Variants in MALRD1 observed in about 807,000 individuals in gnomAD.
MALRD1 encodes MAM and LDL-receptor class A domain-containing protein 1.
A neutral mutation model predicts 242.1 loss-of-function variants in MALRD1; 247 were observed. That is an observed-to-expected ratio of 1.02 (90% CI 0.92 to 1.13). MALRD1 has a LOEUF of 1.13. Among genes scored for constraint, MALRD1 ranks in the 50% most tolerant of loss-of-function variants. The pLI is 0.00. For missense variants in MALRD1, 2,989 were observed against 2,533.1 expected, an observed-to-expected ratio of 1.18 and a Z score of -3.86; for synonymous variants, 995 against 866.6, an observed-to-expected ratio of 1.15 and a Z score of -2.60.
At chr10:19,087,745 A>G in intron 2 of MALRD1, 95 bp from the exon 3 acceptor site, 1 of 501,232 alleles carries the variant, frequency 2.0e-6, no homozygotes, top group East Asian at 3.5e-5. Context: ...CAGTGAAATT[A>G]TTATTGACTA....
At chr10:19,705,804 T>TGAAAAAAAAAAAAAAAAAAA (rs71388859) in intron 38 of MALRD1, among the ~76,000 whole-genome samples, 2 of 102,872 alleles carry the variant, frequency 1.9e-5, no homozygotes, top group Admixed American at 1.0e-4. Context: ...CCTGCAATAG[T>TGAAAAAAAAAAAAAAAAAAA]AAAAAAAAAA....
Position 19,203,785 on chromosome 10 carries a change from A to G in MALRD1, c.2009A>G (p.Asp670Gly), listed in dbSNP as rs1836657971. The change falls in exon 15 of 40, where the codon GAC becomes GGC. Residue 670 changes from aspartate to glycine, a missense_variant. Transcript: ENST00000454679. ...SCDWFEAISG[D>G]HFDWIRSSQS... ...GATTGGTTTGAAGCAATTAGTGGTG[A>G]CCATTTTGACTGGATACGGAGCTCT... 1.3e-6 allele frequency: 2 copies of G among 1,550,624 alleles called. No individual in the cohort carries two copies. Among genetic ancestry groups the G allele is most frequent in the South Asian group, 1.2e-5 (1 of 84,054 alleles).
At chr10:19,272,373 G>T (rs1174955407) in intron 19 of MALRD1, among the ~76,000 whole-genome samples, 2 of 152,064 alleles carry the variant, frequency 1.3e-5, no homozygotes, top group Non-Finnish European at 2.9e-5. Context: ...AGTGGAGTTT[G>T]TGGAATATAA....
intron 21 of MALRD1, among the ~76,000 whole-genome samples, chr10:19,291,947 G>A (rs906387146): frequency 1.3e-5 from 2 of 151,672 alleles, no homozygotes; most frequent in Admixed American, 6.6e-5. Context: ...TTAGTCATAC[G>A]TGGTGGTGCG....
intron 28 of MALRD1, among the ~76,000 whole-genome samples, chr10:19,424,263 G>A (rs866384093): frequency 2.4e-4 from 37 of 152,194 alleles, no homozygotes; most frequent in African/African-American, 7.5e-4. Context: ...AGGTTCAAGC[G>A]ATTCTCCTGC....
intron 24 of MALRD1, among the ~76,000 whole-genome samples, chr10:19,342,540 T>A (rs140806021): frequency 6.6e-6 from 1 of 152,124 alleles, no homozygotes; most frequent in Non-Finnish European, 1.5e-5. Flanking sequence ...CAAGTACTTT[T>A]GGAGGGGCTA....
intron 29 of MALRD1, among the ~76,000 whole-genome samples, chr10:19,467,096 T>C (rs1248338591): frequency 1.3e-5 from 2 of 152,046 alleles, no homozygotes; most frequent in African/African-American, 2.4e-5. Flanking sequence ...GGCTCACGCC[T>C]GTAATCCCAG....
chr10:19,111,106 C>T (rs570378776), intron 5 of MALRD1, among the ~76,000 whole-genome samples: 107 of 152,132 alleles, frequency 7.0e-4, no homozygotes, highest in African/African-American at 2.4e-3. Flanking sequence ...CCTACTTACC[C>T]ATGAACTATA....
At chr10:19,734,026 T>A in intron 39 of MALRD1, 131 bp from the exon 40 acceptor site, 1 of 644,958 alleles carries the variant, frequency 1.6e-6, no homozygotes, top group South Asian at 2.1e-5. Context: ...GGAAGAAGAG[T>A]CAGGGATGTT....
intron 31 of MALRD1, among the ~76,000 whole-genome samples, chr10:19,499,850 G>A (rs1837891367): frequency 6.6e-6 from 1 of 152,152 alleles, no homozygotes; most frequent in African/African-American, 2.4e-5. Context: ...TTCAATTACA[G>A]TATGGACATT....
chr10:19,255,482 A>G (rs1478995094), intron 18 of MALRD1, among the ~76,000 whole-genome samples: 1 of 152,004 alleles, frequency 6.6e-6, no homozygotes, highest in Non-Finnish European at 1.5e-5. Context: ...TTGCAAGACT[A>G]AAATATAGGG....
chr10:19,204,748 G>A (rs1340837729), intron 16 of MALRD1, 150 bp from the exon 17 acceptor site: 1 of 869,666 alleles, frequency 1.1e-6, no homozygotes, highest in Non-Finnish European at 1.7e-6. Context: ...ATAAGCTCTT[G>A]CAAATGGACA....
At chr10:19,185,596 A>G (rs993442355) in intron 14 of MALRD1, among the ~76,000 whole-genome samples, 1 of 152,206 alleles carries the variant, frequency 6.6e-6, no homozygotes, top group Non-Finnish European at 1.5e-5. Flanking sequence ...AAATATGTGC[A>G]TTAGACACTG....
chr10:19,607,987 C>T, intron 35 of MALRD1, 85 bp downstream of exon 35: 2 of 1,468,098 alleles, frequency 1.4e-6, no homozygotes, highest in East Asian at 5.0e-5. Context: ...ACTTGAGGTT[C>T]TAAACAATGG....
intron 9 of MALRD1, among the ~76,000 whole-genome samples, chr10:19,134,310 AATAATTCAT>A (rs1833242253): frequency 6.6e-6 from 1 of 152,252 alleles, no homozygotes; most frequent in South Asian, 2.1e-4. Flanking sequence ...TTTTGAATGC[AATAATTCAT>A]ATCTTTATAA....
At chr10:19,198,651 G>A (rs1836372476) in intron 14 of MALRD1, among the ~76,000 whole-genome samples, 1 of 152,126 alleles carries the variant, frequency 6.6e-6, no homozygotes, top group Non-Finnish European at 1.5e-5. Context: ...ATGAGGAATT[G>A]TCTACCAATA....
chr10:19,601,638 A>T (rs528641601), intron 34 of MALRD1, among the ~76,000 whole-genome samples: 1 of 151,944 alleles, frequency 6.6e-6, no homozygotes, highest in Non-Finnish European at 1.5e-5. Flanking sequence ...TTATTTTCTG[A>T]TTTTTTAATG....
chr10:19,416,637 T>C (rs1833523441), intron 28 of MALRD1, among the ~76,000 whole-genome samples: 1 of 152,194 alleles, frequency 6.6e-6, no homozygotes, highest in Admixed American at 6.5e-5. Context: ...AGTACCTCTC[T>C]ATTTACTATC....
At chr10:19,541,978 A>T (rs941944095) in intron 32 of MALRD1, among the ~76,000 whole-genome samples, 2 of 152,244 alleles carry the variant, frequency 1.3e-5, no homozygotes, top group African/African-American at 4.8e-5. Flanking sequence ...GAAAAGGTCG[A>T]CACTCAAGAG....
Sources: gnomAD v4.1 joint callset for allele counts (sites outside exome capture counted in the v4.1 genomes callset) on GRCh38, gnomAD v4.1.1 for gene constraint, MANE v1.5 for transcripts, NCBI Gene and HGNC (gene_info 2026-07-23, HGNC 2026-07-21) for gene names.